The following NCOR2 variants were observed in gnomAD, a reference collection of about 807,000 sequenced individuals.
NCOR2 encodes the protein nuclear receptor corepressor 2, also known as CTG repeat protein 26.
In NCOR2, 81 loss-of-function variants were observed where a neutral mutation model predicts 262.9. The ratio of observed to expected loss-of-function variants is 0.31; its 90% CI spans 0.26 to 0.37. The LOEUF is 0.37. Among genes scored for constraint, NCOR2 ranks in the 10% least tolerant of loss-of-function variants. The probability of loss-of-function intolerance (pLI) is 1.00; values close to 1 mark genes in which losing one functional copy is unlikely to be tolerated. For missense variants in NCOR2, 3,385 were observed against 3,621.4 expected, an observed-to-expected ratio of 0.93 and a Z score of 1.68; for synonymous variants, 1,659 against 1,559.3, an observed-to-expected ratio of 1.06 and a Z score of -1.51.
intron 1 of NCOR2, among the ~76,000 whole-genome samples, chr12:124,552,271 C>T (rs528307081): frequency 2.0e-5 from 3 of 151,532 alleles, no homozygotes; most frequent in East Asian, 1.9e-4. Flanking sequence ...CAGTGAGCTG[C>T]GAATGGAGCT....
At chr12:124,365,408 C>T (rs989001246) in intron 20 of NCOR2, among the ~76,000 whole-genome samples, 4 of 152,224 alleles carry the variant, frequency 2.6e-5, no homozygotes, top group Non-Finnish European at 4.4e-5. Flanking sequence ...GGATGCCTGG[C>T]GCCCAGAGGC....
At chr12:124,515,073 C>T (rs1013226934) in intron 1 of NCOR2, among the ~76,000 whole-genome samples, 4 of 152,164 alleles carry the variant, frequency 2.6e-5, no homozygotes, top group Non-Finnish European at 5.9e-5. Flanking sequence ...GCAGGCACCA[C>T]GTGTCCCCCA....
intron 16 of NCOR2, among the ~76,000 whole-genome samples, chr12:124,388,414 C>T (rs1209369480): frequency 6.6e-6 from 1 of 152,196 alleles, no homozygotes. Context: ...TTGAAGCCCC[C>T]GTCCACTTGG....
intron 20 of NCOR2, among the ~76,000 whole-genome samples, chr12:124,368,109 T>C (rs2039188360): frequency 6.6e-6 from 1 of 152,222 alleles, no homozygotes; most frequent in South Asian, 2.1e-4. Context: ...CCATGTGACT[T>C]AGCCAACTGT....
intron 17 of NCOR2, 134 bp downstream of exon 19, chr12:124,385,611 G>A: frequency 1.5e-6 from 2 of 1,335,672 alleles, no homozygotes; most frequent in Non-Finnish European, 2.0e-6. Context: ...ACCCCCAGAA[G>A]CTGAGTTCTA....
At chr12:124,383,175 C>T (rs1054989337) in intron 17 of NCOR2, among the ~76,000 whole-genome samples, 1 of 152,228 alleles carries the variant, frequency 6.6e-6, no homozygotes, top group Non-Finnish European at 1.5e-5. Context: ...ATTCCCATAA[C>T]AGCCCTTTGA....
chr12:124,346,535 G>T, intron 31 of NCOR2, 29 bp downstream of exon 33: 1 of 1,490,772 alleles, frequency 6.7e-7, no homozygotes, highest in Non-Finnish European at 8.9e-7. Flanking sequence ...TCCTAGAACT[G>T]GGCCCGTGTG....
chr12:124,521,285 C>T (rs1477505472), intron 1 of NCOR2, among the ~76,000 whole-genome samples: 2 of 152,214 alleles, frequency 1.3e-5, no homozygotes, highest in Non-Finnish European at 2.9e-5. Context: ...AGAGACAGCA[C>T]CGTGAGCCAG....
At chr12:124,551,170 A>G (rs530618008) in intron 1 of NCOR2, among the ~76,000 whole-genome samples, 1 of 152,334 alleles carries the variant, frequency 6.6e-6, no homozygotes, top group East Asian at 1.9e-4. Context: ...TTTACATATT[A>G]GGAAACTGAG....
intron 7 of NCOR2, among the ~76,000 whole-genome samples, chr12:124,447,694 C>CTTTTTTTTTTTTTTTTTTTTT (rs201698986): frequency 6.7e-6 from 1 of 148,260 alleles, no homozygotes. Context: ...TTTTTTCTTT[C>CTTTTTTTTTTTTTTTTTTTTT]TTTCTTTTTT....
At position 124,335,035 on chromosome 12, in the gene NCOR2, C is replaced by T. The variant is rs1397498149; in HGVS notation, c.6411+100G>A. On this transcript the variant is annotated intron_variant, in intron 40 of 46. Coordinates refer to ENST00000405201, the Ensembl canonical transcript of NCOR2. ...GCCATGCCCTGGATCCCCCAGCCAC[C>T]CCGCCAGGACAGAAGGGCTGTGGGG... 1.9e-6 allele frequency: 3 copies of T among 1,574,188 alleles called. No individual in the cohort carries two copies. In the East Asian group the frequency reaches 6.7e-5, roughly 35 times the overall value.
exon 45 of NCOR2, chr12:124,327,507 G>C (rs1285061389): frequency 6.2e-7 from 1 of 1,613,860 alleles, no homozygotes; most frequent in South Asian, 1.1e-5. Flanking sequence ...AAAAGCATTG[G>C]CGCTGAGCGG....
At chr12:124,453,161 C>T (rs1042110848) in intron 6 of NCOR2, among the ~76,000 whole-genome samples, 8 of 152,154 alleles carry the variant, frequency 5.3e-5, no homozygotes, top group Non-Finnish European at 7.4e-5. Flanking sequence ...CCCCCTCATC[C>T]TCTGCAGAGA....
rs537916279 is a variant in NCOR2 at position 124,378,153 on chromosome 12, C to T, written c.2167+84G>A. The T allele has an allele frequency of 1.1e-4, 173 of 1,544,104 alleles. 2 individuals are homozygous for T. In the African/African-American group the frequency reaches 2.2e-3, roughly 20 times the overall value. On this transcript the variant is annotated intron_variant, in intron 18 of 46. Coordinates refer to ENST00000405201, the Ensembl canonical transcript of NCOR2. This position sits in a 1 kb window ranked among gnomAD's most constrained non-coding sequence, Gnocchi z 4.2. The stretch of plus-strand genomic sequence containing the variant: ...CCCAGATGACTCAGGGGAGAGGAGG[C>T]TGCCGGGATCAGTTCCCGCTATGCC...
intron 1 of NCOR2, among the ~76,000 whole-genome samples, chr12:124,532,059 A>G (rs2137161807): frequency 6.6e-6 from 1 of 152,230 alleles, no homozygotes; most frequent in South Asian, 2.1e-4. Context: ...TGGGGATGCC[A>G]CATCGCCTCC....
Position 124,372,487 on chromosome 12 carries a change from C to T in NCOR2, c.2342G>A (p.Gly781Glu), listed in dbSNP as rs7978237. ...GTCCTCCGGTGGTGGGGTGGGTGGC[C>T]CTGGGGGTGGCCCGTCGGCGCCCAG... is the stretch of plus-strand genomic sequence containing the variant. Residue 781 changes from glycine to glutamate, a missense_variant, in exon 20 of 47, where the codon GGG (glycine) becomes GAG (glutamate). Around this residue, in one of 5 missense-constraint regions of NCOR2, gnomAD observed 1,615 missense variants for 1,626.9 expected, o/e 0.99. Coordinates refer to ENST00000405201, the Ensembl canonical transcript of NCOR2. The T allele has an allele frequency of 0.13, 210,025 of 1,574,702 alleles. 15,190 individuals are homozygous for T. The highest frequency in any genetic ancestry group is 0.14 in the Non-Finnish European group (168,932 of 1,169,034).
Position 124,473,002 on chromosome 12 carries a change from G to A in NCOR2, c.541C>T (p.Arg181Ter). Residue 181 changes from arginine (R) to a stop codon, truncating the protein, a stop_gained, in exon 4 of 47, where the codon CGA (arginine) becomes TGA (stop). Transcript: ENST00000405201. LOFTEE classifies it high-confidence loss of function. ...TGCTGCTCTACCATGGTGATCTCTC[G>A]GTCCACGCGGTCCATGTTCTGGATC... 1 of 1,614,106 alleles carries A rather than the reference G, an allele frequency of 6.2e-7. No homozygotes were observed. Among genetic ancestry groups the A allele is most frequent in the East Asian group, 2.2e-5 (1 of 44,886 alleles).
rs1350676896 is a variant in NCOR2 at position 124,566,292 on chromosome 12, G to C, written c.-165+1016C>G. On this transcript the variant is annotated intron_variant, in intron 1 of 32. Transcript: ENST00000458234. This position sits in a 1 kb window ranked among gnomAD's most constrained non-coding sequence, Gnocchi z 4.3. ...CCCCCGCTGCCTGCACCAGACCCTC[G>C]GAGAGCCGGAGCGCGCGACAGGCGG... Among the ~76,000 whole-genome samples the C allele has an allele frequency of 6.6e-6, 1 of 152,212 alleles. No homozygotes were observed. Among genetic ancestry groups the C allele is most frequent in the Non-Finnish European group, 1.5e-5 (1 of 68,042 alleles).
intron 16 of NCOR2, among the ~76,000 whole-genome samples, chr12:124,393,547 G>A (rs1333276310): frequency 2.0e-5 from 3 of 152,206 alleles, no homozygotes; most frequent in Non-Finnish European, 4.4e-5. Context: ...CACTTCTCAT[G>A]GGGCCACACT....
Sources: gnomAD v4.1 joint callset for allele counts (sites outside exome capture counted in the v4.1 genomes callset) on GRCh38, gnomAD v4.1.1 for gene constraint, gnomAD v4.1.1 regional missense constraint, Gnocchi (gnomAD v3.1) non-coding constraint, MANE v1.5 for transcripts, NCBI Gene and HGNC (gene_info 2026-07-23, HGNC 2026-07-21) for gene names.